The following PPP2R2C variants were observed in gnomAD, a reference collection of about 807,000 sequenced individuals.
The protein encoded by PPP2R2C is protein phosphatase 2 regulatory subunit Bgamma.
PPP2R2C carries 10 observed loss-of-function variants against 45.3 expected under a neutral mutation model. The ratio of observed to expected loss-of-function variants is 0.22; its 90% CI spans 0.14 to 0.37. PPP2R2C has a LOEUF of 0.37. PPP2R2C is among the 10% of genes least tolerant of loss of function. PPP2R2C has a pLI of 1.00. For synonymous variants in PPP2R2C, 257 were observed against 245.4 expected (o/e 1.05, Z -0.44); for missense variants, 308 against 619.7 (o/e 0.50, Z 5.34).
chr4:6,431,210 G>A (rs912924089), intron 1 of PPP2R2C, among the ~76,000 whole-genome samples: 30 of 152,340 alleles, frequency 2.0e-4, no homozygotes, highest in African/African-American at 6.3e-4. Flanking sequence ...CCTGGAGGGA[G>A]AGAGGTTCTG....
In PPP2R2C at chr4:6,404,847, C is replaced by T. The variant is rs570778874; in HGVS notation, c.71-23753G>A. Reference sequence around the variant, plus strand: ...GCAGAGCAGGCGAGGGGGCTGCATGCGTGCTAAGAGGCAGGCAAGGGAGGG... The same window carrying T: ...GCAGAGCAGGCGAGGGGGCTGCATGTGTGCTAAGAGGCAGGCAAGGGAGGG... On this transcript the variant is annotated intron_variant, in intron 1 of 8. Transcript: ENST00000382599. 6.6e-5 allele frequency among the ~76,000 whole-genome samples: 10 copies of T among 152,316 alleles called. No homozygotes were observed. The East Asian group carries it at 7.7e-4, about 12-fold the overall frequency.
chr4:6,454,328 G>A (rs1263587539), intron 1 of PPP2R2C, among the ~76,000 whole-genome samples: 1 of 152,184 alleles, frequency 6.6e-6, no homozygotes, highest in East Asian at 1.9e-4. Context: ...GCCGGCCTGT[G>A]ACTTGCTTGA....
At chr4:6,509,120 T>C (rs991759979) in intron 2 of PPP2R2C, among the ~76,000 whole-genome samples, 4 of 152,236 alleles carry the variant, frequency 2.6e-5, no homozygotes, top group East Asian at 1.9e-4. Flanking sequence ...TTCTTAAGGA[T>C]AATCAGATCA....
chr4:6,532,467 G>C (rs1724435961), intron 2 of PPP2R2C, among the ~76,000 whole-genome samples: 1 of 152,216 alleles, frequency 6.6e-6, no homozygotes, highest in Non-Finnish European at 1.5e-5. Context: ...TCCAAACACA[G>C]AAACAAAGGG....
At chr4:6,455,751 T>C (rs1720988231) in intron 1 of PPP2R2C, among the ~76,000 whole-genome samples, 1 of 152,188 alleles carries the variant, frequency 6.6e-6, no homozygotes, top group African/African-American at 2.4e-5. Context: ...TCTGCAAGAC[T>C]GTAAGTGAAC....
intron 1 of PPP2R2C, among the ~76,000 whole-genome samples, chr4:6,410,865 A>G (rs898764311): frequency 6.0e-5 from 9 of 150,326 alleles, no homozygotes; most frequent in African/African-American, 2.2e-4. Flanking sequence ...TTATTTATTT[A>G]TTTATTTATT....
At chr4:6,372,389 A>G in intron 5 of PPP2R2C, 134 bp downstream of exon 5, 1 of 909,710 alleles carries the variant, frequency 1.1e-6, no homozygotes, top group South Asian at 1.6e-5. Context: ...ACTAGGAGCC[A>G]GAGGTGCCTC....
intron 1 of PPP2R2C, among the ~76,000 whole-genome samples, chr4:6,535,941 A>G (rs1483513927): frequency 1.3e-5 from 2 of 151,842 alleles, no homozygotes; most frequent in Admixed American, 6.6e-5. Flanking sequence ...CAGGGACAAC[A>G]CCCCACGCTG....
chr4:6,502,099 G>A (rs967795593), intron 2 of PPP2R2C, among the ~76,000 whole-genome samples: 1 of 152,190 alleles, frequency 6.6e-6, no homozygotes, highest in Admixed American at 6.5e-5. Context: ...ATAGGGAGTG[G>A]GTTTCTAGGG....
intron 1 of PPP2R2C, among the ~76,000 whole-genome samples, chr4:6,396,022 G>A (rs1717006752): frequency 6.6e-6 from 1 of 152,200 alleles, no homozygotes; most frequent in South Asian, 2.1e-4. Flanking sequence ...CCACCCCAGT[G>A]GGACCTGGGT....
chr4:6,429,480 A>G (rs1454116814), intron 1 of PPP2R2C, among the ~76,000 whole-genome samples: 1 of 152,204 alleles, frequency 6.6e-6, no homozygotes, highest in Non-Finnish European at 1.5e-5. Context: ...AAAAAATTGT[A>G]AGGAAACCCA....
chr4:6,403,149 C>G (rs1267501529), intron 1 of PPP2R2C, among the ~76,000 whole-genome samples: 1 of 152,202 alleles, frequency 6.6e-6, no homozygotes, highest in Non-Finnish European at 1.5e-5. Context: ...TGGGTGCCTC[C>G]CCACGTGGGT....
At chr4:6,444,582 T>C (rs1186025148) in intron 1 of PPP2R2C, among the ~76,000 whole-genome samples, 3 of 152,162 alleles carry the variant, frequency 2.0e-5, no homozygotes, top group Non-Finnish European at 2.9e-5. Context: ...TTATTTCCTA[T>C]TTTTCCCTAC....
rs531684773 is a variant in PPP2R2C, at chr4:6,502,135, T to A, written c.49+33136A>T. On this transcript the variant is annotated intron_variant, in intron 2 of 9. Transcript: ENST00000506140. ...GATGAGGACGAATGGATGCAATGTG[T>A]TTCTTTTCCATGTAAGAATAAGCAT... Among the ~76,000 whole-genome samples, 3 of 152,258 alleles carry A rather than the reference T, an allele frequency of 2.0e-5. No homozygotes were observed. In the East Asian group the frequency reaches 5.8e-4, roughly 29 times the overall value.
chr4:6,426,926 A>G (rs1719365406), intron 1 of PPP2R2C, among the ~76,000 whole-genome samples: 1 of 152,262 alleles, frequency 6.6e-6, no homozygotes, highest in Non-Finnish European at 1.5e-5. Flanking sequence ...TTTGAGCACC[A>G]ACATGGGGAG....
chr4:6,528,103 T>C (rs1490937585), intron 2 of PPP2R2C, among the ~76,000 whole-genome samples: 2 of 152,212 alleles, frequency 1.3e-5, no homozygotes, highest in Admixed American at 6.5e-5. Context: ...TGTGACCACC[T>C]GGTTACGGGC....
intron 1 of PPP2R2C, among the ~76,000 whole-genome samples, chr4:6,451,454 C>T (rs992598546): frequency 1.3e-5 from 2 of 152,122 alleles, no homozygotes; most frequent in African/African-American, 2.4e-5. Context: ...ACTCAATGTG[C>T]TTTCCCTTCT....
chr4:6,459,394 C>G (rs922730694), intron 1 of PPP2R2C, among the ~76,000 whole-genome samples: 3 of 152,126 alleles, frequency 2.0e-5, no homozygotes, highest in Non-Finnish European at 4.4e-5. Flanking sequence ...CACGGTGTCA[C>G]CTCCTCCATA....
At chr4:6,465,258 C>T (rs569814314) in intron 1 of PPP2R2C, among the ~76,000 whole-genome samples, 1 of 152,278 alleles carries the variant, frequency 6.6e-6, no homozygotes, top group Admixed American at 6.5e-5. Context: ...TAACTTCTAG[C>T]TTGTAAAATA....
Sources: allele counts gnomAD v4.1 joint callset (sites outside exome capture counted in the v4.1 genomes callset), GRCh38; gene constraint gnomAD v4.1.1; transcripts MANE v1.5; gene names NCBI Gene and HGNC (gene_info 2026-07-23, HGNC 2026-07-21).